The following DNAH17 variants were observed in gnomAD, a reference collection of about 807,000 sequenced individuals.
DNAH17 encodes the protein axonemal beta dynein heavy chain 17.
In DNAH17, 376 loss-of-function variants were observed where a neutral mutation model predicts 485.6. The observed-to-expected ratio is 0.77, with a 90% CI of 0.71 to 0.84. The LOEUF is 0.84. Ranked by LOEUF, DNAH17 falls within the 40% of genes least tolerant of loss-of-function variation. DNAH17 has a pLI of 0.00. For missense variants in DNAH17, 6,370 were observed against 5,839.3 expected, an observed-to-expected ratio of 1.09 and a Z score of -2.96; for synonymous variants, 3,031 against 2,405.9, an observed-to-expected ratio of 1.26 and a Z score of -7.60.
At chr17:78,445,832 C>T (rs1264656347) in intron 69 of DNAH17, among the ~76,000 whole-genome samples, 152 bp from the exon 70 acceptor site, 1 of 152,206 alleles carries the variant, frequency 6.6e-6, no homozygotes, top group East Asian at 1.9e-4. Context: ...GTTTTGTCTT[C>T]ACCTCGTCTC....
chr17:78,482,338 TCCC>T (rs34955437), intron 48 of DNAH17, among the ~76,000 whole-genome samples: 19 of 152,278 alleles, frequency 1.2e-4, no homozygotes, highest in African/African-American at 4.3e-4. Context: ...TTTGTTTTTT[TCCC>T]CCATTATGCA....
chr17:78,443,732 T>G (rs537932560), intron 71 of DNAH17, among the ~76,000 whole-genome samples: 60 of 152,218 alleles, frequency 3.9e-4, no homozygotes, highest in African/African-American at 1.4e-3. Context: ...AGACTTTTTG[T>G]AGAGATGGGG....
At chr17:78,467,702 G>A (rs2088542147) in intron 55 of DNAH17, among the ~76,000 whole-genome samples, 1 of 152,114 alleles carries the variant, frequency 6.6e-6, no homozygotes, top group Non-Finnish European at 1.5e-5. Context: ...GGGGTTCTCT[G>A]TCCTACTAGG....
At position 78,575,479 on chromosome 17, in the gene DNAH17, G is replaced by A. The variant is rs558986225; in HGVS notation, c.-25-397C>T. Among the ~76,000 whole-genome samples, 5 of 152,276 alleles carry A rather than the reference G, an allele frequency of 3.3e-5. 1 individual carries two copies. Among genetic ancestry groups the A allele is most frequent in the Admixed American group, 6.5e-5 (1 of 15,286 alleles). On this transcript the variant is annotated intron_variant, in intron 1 of 80. Transcript: ENST00000389840. ...CTGGGGGGTCAGGTTGAAAGGTCCTGGGAAAGCAATAAAAGACGTCGCAGC... is the reference window on the plus strand; with the variant it reads ...CTGGGGGGTCAGGTTGAAAGGTCCTAGGAAAGCAATAAAAGACGTCGCAGC...
chr17:78,566,720 C>T lies in DNAH17; in HGVS notation c.1463G>A (p.Arg488His), dbSNP rs112807670. The T allele has an allele frequency of 2.5e-3, 3,979 of 1,601,632 alleles. 85 individuals are homozygous for T. The African/African-American group carries it at 0.044, about 18-fold the overall frequency. ...PLDPGDSNFD[R>H]DYADFEIKIQ... ...TTTGATCTCAAAATCAGCATAATCA[C>T]GGTCAAAATTCTAAAAGCAAATGGA... is the stretch of plus-strand genomic sequence containing the variant. The change falls in exon 11 of 81, where the codon CGT becomes CAT. Residue 488 changes from arginine to histidine, a missense_variant. Physicochemically the swap from Arg to His is conservative, Grantham distance 29 (BLOSUM62 0). Coordinates refer to ENST00000389840, the MANE Select transcript of DNAH17 (RefSeq NM_173628.4).
rs368571805 is a variant in DNAH17 at position 78,425,555 on chromosome 17, G to A, written c.12932C>T (p.Thr4311Met). 4.0e-5 allele frequency: 64 copies of A among 1,611,020 alleles called. No homozygotes were observed. Among genetic ancestry groups the A allele is most frequent in the East Asian group, 1.6e-4 (7 of 44,820 alleles). The change falls in exon 80 of 81, where the codon ACG becomes ATG. Residue 4311 changes from threonine to methionine, a missense_variant. By Grantham distance (81) the Thr-to-Met change is moderately conservative. Coordinates refer to ENST00000389840, the MANE Select transcript of DNAH17 (RefSeq NM_173628.4). ...GGTGGTGGGCAGGGCAAAGTCTGTC[G>A]TCCAGGCCTCGAGTTCCTGCAAGGA... ...LLRIRELEAW[T>M]TDFALPTTVW...
At chr17:78,554,119 A>G (rs765839687) in intron 14 of DNAH17, among the ~76,000 whole-genome samples, 1 of 152,158 alleles carries the variant, frequency 6.6e-6, no homozygotes, top group African/African-American at 2.4e-5. Context: ...CAGTTATACA[A>G]CAGAAAACCC....
Position 78,450,289 on chromosome 17 carries a change from T to C in DNAH17, c.11005A>G (p.Asn3669Asp). The change falls in exon 68 of 81, where the codon AAC (asparagine) becomes GAC (aspartate). Residue 3669 changes from asparagine to aspartate, a missense_variant. Coordinates refer to ENST00000389840, the MANE Select transcript of DNAH17 (RefSeq NM_173628.4). ...AACTGGTAGACGGGGTTGATTTTGT[T>C]GAGATCGTTCAGTATGAAGTAGAGC... is the stretch of plus-strand genomic sequence containing the variant. The part of the protein sequence containing the change: ...SLLYFILNDL[N>D]KINPVYQFSL... 1 of 1,612,492 alleles carries C rather than the reference T, an allele frequency of 6.2e-7. No individual in the cohort carries two copies.
chr17:78,450,679 G>A lies in DNAH17; in HGVS notation c.10899+3C>T. 1.9e-6 allele frequency: 3 copies of A among 1,611,496 alleles called. No homozygotes were observed. Among genetic ancestry groups the A allele is most frequent in the Non-Finnish European group, 2.5e-6 (3 of 1,178,986 alleles). Reference sequence around the variant, plus strand: ...CAGGGCACGTCACCGAGGCAGCTCTGACCTTCTCCTCGATCTCGCTGGCTG... The same window carrying A: ...CAGGGCACGTCACCGAGGCAGCTCTAACCTTCTCCTCGATCTCGCTGGCTG... On this transcript the variant is annotated splice_donor_region_variant and intron_variant, in intron 67 of 80. Transcript: ENST00000389840.
Position 78,571,798 on chromosome 17 carries a change from T to C in DNAH17, c.540-16A>G, listed in dbSNP as rs1380879015. 2.6e-6 allele frequency: 4 copies of C among 1,560,746 alleles called. No homozygotes were observed. Among genetic ancestry groups the C allele is most frequent in the East Asian group, 2.2e-5 (1 of 44,488 alleles). On this transcript the variant is annotated splice_polypyrimidine_tract_variant and intron_variant, in intron 3 of 80. Transcript: ENST00000389840. Reference sequence around the variant, plus strand: ...AGAGGGGATCCTGCCCAGTGGAAGGTTGGGGCATTGCTCTCATGGCGACAC... The same window carrying C: ...AGAGGGGATCCTGCCCAGTGGAAGGCTGGGGCATTGCTCTCATGGCGACAC...
At chr17:78,575,586 CGTG>C (rs1204088601) in intron 1 of DNAH17, among the ~76,000 whole-genome samples, 1 of 152,134 alleles carries the variant, frequency 6.6e-6, no homozygotes, top group Non-Finnish European at 1.5e-5. Flanking sequence ...TAGCCGCAGC[CGTG>C]GTGCACCTTA....
At chr17:78,563,861 C>T (rs546607300) in intron 11 of DNAH17, among the ~76,000 whole-genome samples, 36 of 152,162 alleles carry the variant, frequency 2.4e-4, no homozygotes, top group Non-Finnish European at 4.3e-4. Context: ...CAAAGAGAAA[C>T]GTGAACAGAT....
At chr17:78,477,921 TCAC>T (rs1317825847) in intron 51 of DNAH17, among the ~76,000 whole-genome samples, 5 of 146,862 alleles carry the variant, frequency 3.4e-5, no homozygotes, top group African/African-American at 1.0e-4. Flanking sequence ...CACATCACCA[TCAC>T]CACCATCATC....
chr17:78,522,112 A>T (rs866464840), intron 25 of DNAH17: 2 of 156,848 alleles, frequency 1.3e-5, no homozygotes, highest in African/African-American at 4.8e-5. Context: ...TCTAGAACAT[A>T]TAAAGAACGC....
At chr17:78,537,516 C>T (rs764539031) in intron 18 of DNAH17, 35 bp from the exon 19 acceptor site, 98 of 1,605,846 alleles carry the variant, frequency 6.1e-5, no homozygotes, top group Non-Finnish European at 7.5e-5. Context: ...TGGTCAACAC[C>T]TCTGTCCTCC....
At chr17:78,464,442 G>A (rs1241518716) in intron 56 of DNAH17, among the ~76,000 whole-genome samples, 3 of 152,262 alleles carry the variant, frequency 2.0e-5, no homozygotes, top group East Asian at 3.9e-4. Flanking sequence ...TATATTTTTG[G>A]TAGAGATGGG....
chr17:78,497,820 C>T (rs1279758869), intron 37 of DNAH17, among the ~76,000 whole-genome samples: 19 of 152,198 alleles, frequency 1.2e-4, no homozygotes, highest in African/African-American at 4.1e-4. Flanking sequence ...CACTGCCAAG[C>T]CGAGAGTCAG....
Position 78,571,398 on chromosome 17 carries a change from T to G in DNAH17, c.733-20A>C. The G allele has an allele frequency of 3.1e-6, 5 of 1,594,358 alleles. No individual in the cohort carries two copies. Among genetic ancestry groups the G allele is most frequent in the Non-Finnish European group, 4.3e-6 (5 of 1,162,804 alleles). ...GTTTAGCTGAGAAGGGGAGTGAAGA[T>G]CCACCTTTCATTGACCTGGAAGACC... On this transcript the variant is annotated intron_variant, in intron 4 of 80. Transcript: ENST00000389840.
At chr17:78,483,392 GC>G (rs2089437290) in intron 48 of DNAH17, among the ~76,000 whole-genome samples, 2 of 152,208 alleles carry the variant, frequency 1.3e-5, no homozygotes, top group South Asian at 2.1e-4. Context: ...CACTTTGGGA[GC>G]CCGAGGCGGG....
Sources: allele counts gnomAD v4.1 joint callset (sites outside exome capture counted in the v4.1 genomes callset), GRCh38; gene constraint gnomAD v4.1.1; transcripts MANE v1.5; gene names NCBI Gene and HGNC (gene_info 2026-07-23, HGNC 2026-07-21).